The following TMPRSS15 variants were observed in gnomAD, a reference collection of about 807,000 sequenced individuals.
TMPRSS15 encodes the protein transmembrane serine protease 15.
A neutral mutation model predicts 125.3 loss-of-function variants in TMPRSS15; 128 were observed. The observed-to-expected ratio is 1.02, with a 90% CI of 0.89 to 1.18. The LOEUF (loss-of-function observed/expected upper bound fraction) is 1.18, where lower values mean the gene tolerates loss of function less well. TMPRSS15 is among the 50% of genes most tolerant of loss of function. TMPRSS15 has a pLI of 0.00. For synonymous variants in TMPRSS15, 446 were observed against 423.2 expected (o/e 1.05, Z -0.66); for missense variants, 1,283 against 1,212.7 (o/e 1.06, Z -0.86).
intron 1 of TMPRSS15, among the ~76,000 whole-genome samples, chr21:18,463,277 A>AG (rs1978588650): frequency 7.8e-6 from 1 of 127,422 alleles, no homozygotes; most frequent in Non-Finnish European, 1.6e-5. Context: ...AAAAAAAAAA[A>AG]GCCGGGGGTG....
chr21:18,437,892 T>A (rs1301879771), intron 1 of TMPRSS15, among the ~76,000 whole-genome samples: 1 of 151,826 alleles, frequency 6.6e-6, no homozygotes, highest in Admixed American at 6.6e-5. Context: ...TGTAAACTAG[T>A]TCAACCATTA....
At chr21:18,425,236 T>C (rs2076200224) in intron 1 of TMPRSS15, among the ~76,000 whole-genome samples, 1 of 152,088 alleles carries the variant, frequency 6.6e-6, no homozygotes, top group Admixed American at 6.5e-5. Context: ...TCATTTACAT[T>C]GATTAGCTAT....
chr21:18,418,985 G>A (rs2076186165), intron 1 of TMPRSS15, among the ~76,000 whole-genome samples: 1 of 152,204 alleles, frequency 6.6e-6, no homozygotes, highest in African/African-American at 2.4e-5. Context: ...AATCAGCGTT[G>A]AGCCAGGGGG....
chr21:18,300,784 A>C (rs2074963252), intron 18 of TMPRSS15, among the ~76,000 whole-genome samples: 1 of 138,366 alleles, frequency 7.2e-6, no homozygotes, highest in Admixed American at 7.9e-5. Flanking sequence ...TTTGGATAGG[A>C]TTGACAGTGA....
At chr21:18,367,245 A>G (rs1601399438) in intron 6 of TMPRSS15, among the ~76,000 whole-genome samples, 1 of 152,300 alleles carries the variant, frequency 6.6e-6, no homozygotes, top group East Asian at 1.9e-4. Flanking sequence ...ATCACAGGAA[A>G]GAAAGAAAAA....
Position 18,310,954 on chromosome 21 carries a change from T to TA in TMPRSS15, c.2165+1990dup, listed in dbSNP as rs2075095198. Among the ~76,000 whole-genome samples the TA allele has an allele frequency of 8.6e-5, 11 of 127,582 alleles. No individual in the cohort carries two copies. The South Asian group carries it at 2.8e-3, about 32-fold the overall frequency. 83.7% of individuals were successfully genotyped at this position (127,582 alleles called of 152,430 possible). On this transcript the variant is annotated intron_variant, in intron 18 of 24. Transcript: ENST00000284885. ...GATTCTTTTTTTTTTTTTTTTTTTT[T>TA]AACAAAGGCACCAAGAACATTCACT...
At chr21:18,310,726 A>G (rs184493022) in intron 18 of TMPRSS15, among the ~76,000 whole-genome samples, 13 of 152,188 alleles carry the variant, frequency 8.5e-5, no homozygotes, top group African/African-American at 3.1e-4. Context: ...TAAAATTTGT[A>G]TGGAACCACA....
chr21:18,350,883 A>G (rs757511416), intron 10 of TMPRSS15, among the ~76,000 whole-genome samples: 25 of 152,016 alleles, frequency 1.6e-4, no homozygotes, highest in Non-Finnish European at 2.8e-4. Flanking sequence ...CCTGGAGCTC[A>G]ATAAATGCTT....
At chr21:18,329,887 T>C (rs1249695071) in intron 14 of TMPRSS15, among the ~76,000 whole-genome samples, 2 of 152,022 alleles carry the variant, frequency 1.3e-5, no homozygotes, top group Non-Finnish European at 2.9e-5. Context: ...ATTAGTTTTC[T>C]CATTCACTCT....
chr21:18,471,885 G>C (rs1568736582), intron 1 of TMPRSS15, among the ~76,000 whole-genome samples: 1 of 152,108 alleles, frequency 6.6e-6, no homozygotes, highest in African/African-American at 2.4e-5. Flanking sequence ...AACATGAAGG[G>C]AATCAGCGAA....
intron 8 of TMPRSS15, among the ~76,000 whole-genome samples, chr21:18,354,690 A>T (rs1222592458): frequency 6.6e-6 from 1 of 151,784 alleles, no homozygotes; most frequent in Non-Finnish European, 1.5e-5. Context: ...ATGAAATATT[A>T]GACTTTCACG....
At chr21:18,446,608 A>G (rs2076256291) in intron 1 of TMPRSS15, among the ~76,000 whole-genome samples, 1 of 152,200 alleles carries the variant, frequency 6.6e-6, no homozygotes, top group Non-Finnish European at 1.5e-5. Flanking sequence ...AGATACATAG[A>G]TCAATAGAAC....
chr21:18,457,118 C>T (rs1978456674), intron 1 of TMPRSS15, among the ~76,000 whole-genome samples: 1 of 152,004 alleles, frequency 6.6e-6, no homozygotes, highest in Admixed American at 6.6e-5. Context: ...TTGTGAAATG[C>T]ATAGTAATTG....
chr21:18,376,136 A>G (rs1170065009), intron 5 of TMPRSS15, among the ~76,000 whole-genome samples: 1 of 152,078 alleles, frequency 6.6e-6, no homozygotes. Flanking sequence ...TTATTTCACT[A>G]TGTTATATTG....
intron 1 of TMPRSS15, among the ~76,000 whole-genome samples, chr21:18,401,273 C>T (rs935589940): frequency 8.5e-5 from 13 of 152,114 alleles, no homozygotes; most frequent in Non-Finnish European, 1.5e-4. Context: ...AACAGACACA[C>T]GCACTCACAT....
At chr21:18,451,912 T>C (rs1222302997) in intron 1 of TMPRSS15, among the ~76,000 whole-genome samples, 3 of 152,126 alleles carry the variant, frequency 2.0e-5, no homozygotes, top group Non-Finnish European at 4.4e-5. Flanking sequence ...CATAATTTTA[T>C]GCATGCATAA....
At chr21:18,449,709 A>G (rs1410927834) in intron 1 of TMPRSS15, among the ~76,000 whole-genome samples, 1 of 152,014 alleles carries the variant, frequency 6.6e-6, no homozygotes, top group Non-Finnish European at 1.5e-5. Context: ...TTTTGAAACC[A>G]AACTGTCAAA....
intron 1 of TMPRSS15, among the ~76,000 whole-genome samples, chr21:18,441,971 G>T (rs572678328): frequency 6.6e-6 from 1 of 152,074 alleles, no homozygotes; most frequent in African/African-American, 2.4e-5. Context: ...GATTACAGGC[G>T]TGAGCCACCA....
intron 6 of TMPRSS15, among the ~76,000 whole-genome samples, chr21:18,366,420 T>A (rs1258100166): frequency 6.6e-6 from 1 of 152,192 alleles, no homozygotes; most frequent in Non-Finnish European, 1.5e-5. Context: ...AATTACTCAT[T>A]TTCCTCTTTT....
Sources: allele counts gnomAD v4.1 joint callset (sites outside exome capture counted in the v4.1 genomes callset), GRCh38; gene constraint gnomAD v4.1.1; transcripts MANE v1.5; gene names NCBI Gene and HGNC (gene_info 2026-07-23, HGNC 2026-07-21).